Variants in PRKCB observed in about 807,000 individuals in gnomAD.
PRKCB encodes the protein protein kinase C beta.
Under a neutral mutation model 81.5 loss-of-function variants are expected in PRKCB, and 13 were observed. The ratio of observed to expected loss-of-function variants is 0.16; its 90% CI spans 0.10 to 0.25. The LOEUF is 0.25. Ranked by LOEUF, PRKCB falls within the 10% of genes least tolerant of loss-of-function variation. The pLI is 1.00. For missense variants in PRKCB, 509 were observed against 875.7 expected (o/e 0.58, Z 5.29); for synonymous variants, 335 against 321.4 (o/e 1.04, Z -0.45).
intron 9 of PRKCB, among the ~76,000 whole-genome samples, chr16:24,124,359 G>A (rs1359774735): frequency 6.6e-6 from 1 of 152,174 alleles, no homozygotes; most frequent in Admixed American, 6.5e-5. Flanking sequence ...CTAGCAGAAG[G>A]AGGTATAGGA....
intron 2 of PRKCB, among the ~76,000 whole-genome samples, chr16:23,868,915 G>C (rs982741444): frequency 6.6e-6 from 1 of 152,178 alleles, no homozygotes; most frequent in Admixed American, 6.5e-5. Context: ...TTCCCTGAAT[G>C]AATCTCAGAA....
At chr16:23,908,973 A>G (rs1272903798) in intron 2 of PRKCB, among the ~76,000 whole-genome samples, 1 of 152,194 alleles carries the variant, frequency 6.6e-6, no homozygotes, top group African/African-American at 2.4e-5. Flanking sequence ...GCACGTCCTT[A>G]GCATGCTCCC....
At chr16:24,127,488 T>A (rs554717771) in intron 9 of PRKCB, among the ~76,000 whole-genome samples, 1 of 143,064 alleles carries the variant, frequency 7.0e-6, no homozygotes, top group South Asian at 2.1e-4. Context: ...CCCCCTGAGC[T>A]AATTTAACAT....
intron 2 of PRKCB, among the ~76,000 whole-genome samples, chr16:23,955,663 G>C (rs1359269309): frequency 6.6e-6 from 1 of 152,174 alleles, no homozygotes; most frequent in Non-Finnish European, 1.5e-5. Context: ...AGGATGTGCT[G>C]CTTGATGACC....
intron 8 of PRKCB, among the ~76,000 whole-genome samples, chr16:24,119,311 T>C (rs1451725520): frequency 6.6e-6 from 1 of 151,894 alleles, no homozygotes; most frequent in African/African-American, 2.4e-5. Flanking sequence ...AGCTGCTCCT[T>C]GAAGGACAAG....
intron 2 of PRKCB, among the ~76,000 whole-genome samples, chr16:23,841,374 T>G (rs1962261035): frequency 6.6e-6 from 1 of 152,134 alleles, no homozygotes; most frequent in Non-Finnish European, 1.5e-5. Flanking sequence ...GCTACAGTGC[T>G]GGCTGTTTCT....
rs1965388201 is a variant in PRKCB, at chr16:24,021,234, C to T, written c.289-10902C>T. ...TCTTTCTTTCTTTCTTTCTTTCTTT[C>T]CTTCCTTCCTTCCTTCTTCCTTTCT... is the stretch of plus-strand genomic sequence containing the variant. On this transcript the variant is annotated intron_variant, in intron 3 of 16. Transcript: ENST00000643927. Among the ~76,000 whole-genome samples, 24 of 17,994 alleles carry T rather than the reference C, an allele frequency of 1.3e-3. 5 individuals are homozygous for T. Among genetic ancestry groups the T allele is most frequent in the South Asian group, 5.1e-3 (1 of 198 alleles). The allele number at this position is 17,994 out of a possible 152,430, so 11.8% of individuals were successfully genotyped here. A position where few individuals can be genotyped will look rare whatever the true frequency, so the allele number is the denominator to read the frequency against.
chr16:23,981,348 C>A (rs1369871785), intron 2 of PRKCB, among the ~76,000 whole-genome samples: 2 of 152,168 alleles, frequency 1.3e-5, no homozygotes, highest in East Asian at 1.9e-4. Flanking sequence ...CCTATAAGGA[C>A]CCCTGTGATC....
chr16:23,982,934 C>G (rs1026214363), intron 2 of PRKCB, among the ~76,000 whole-genome samples: 1 of 152,098 alleles, frequency 6.6e-6, no homozygotes, highest in African/African-American at 2.4e-5. Flanking sequence ...TTTTGTAGTT[C>G]TAGTAAAGCC....
intron 5 of PRKCB, among the ~76,000 whole-genome samples, chr16:24,072,883 ACTCT>A (rs947428942): frequency 6.6e-6 from 1 of 151,564 alleles, no homozygotes; most frequent in Non-Finnish European, 1.5e-5. Flanking sequence ...ACCTGGCCTA[ACTCT>A]CTCTCTCTTT....
chr16:24,166,929 C>A (rs1272337604), intron 10 of PRKCB, among the ~76,000 whole-genome samples: 3 of 152,020 alleles, frequency 2.0e-5, no homozygotes, highest in South Asian at 2.1e-4. Flanking sequence ...TACAGTGGAG[C>A]GATCCCCTGA....
In PRKCB at chr16:23,860,807, T is replaced by G. The variant is rs1962651910; in HGVS notation, c.205+23401T>G. 2.0e-5 allele frequency among the ~76,000 whole-genome samples: 3 copies of G among 152,064 alleles called. No homozygotes were observed. In the South Asian group the frequency reaches 6.2e-4, roughly 32 times the overall value. ...CTGTACTCCCAGCTACTCGGGAGGCTGAGGCAGGAGAATTGCTTGGACCCG... is the reference window on the plus strand; with the variant it reads ...CTGTACTCCCAGCTACTCGGGAGGCGGAGGCAGGAGAATTGCTTGGACCCG... On this transcript the variant is annotated intron_variant, in intron 2 of 16. Transcript: ENST00000643927.
At chr16:23,869,229 T>G (rs1288409784) in intron 2 of PRKCB, 1 of 404,338 alleles carries the variant, frequency 2.5e-6, no homozygotes, top group Non-Finnish European at 5.1e-6. Flanking sequence ...GGTTTAGCCA[T>G]TGTTCTTCCC....
intron 9 of PRKCB, among the ~76,000 whole-genome samples, chr16:24,133,535 G>C (rs1567386983): frequency 1.3e-5 from 2 of 152,114 alleles, no homozygotes; most frequent in African/African-American, 4.8e-5. Flanking sequence ...CTCCTTAGCT[G>C]GTTCCTTTTC....
chr16:24,123,783 C>T (rs1281955845), intron 8 of PRKCB, 52 bp from the exon 9 acceptor site: 10 of 1,593,556 alleles, frequency 6.3e-6, no homozygotes, highest in African/African-American at 5.4e-5. Flanking sequence ...TGCCTTCCTA[C>T]AAGATCGTCC....
At position 23,949,823 on chromosome 16, in the gene PRKCB, A is replaced by G. The variant is rs571845751; in HGVS notation, c.206-38685A>G. On this transcript the variant is annotated intron_variant, in intron 2 of 16. Coordinates refer to ENST00000643927, the MANE Select transcript of PRKCB (RefSeq NM_002738.7). Reference sequence around the variant, plus strand: ...TTATCCCCATTTTACAGATGAAGACACTGAGGCAAGAGAGCTTAAATTAAT... The same window carrying G: ...TTATCCCCATTTTACAGATGAAGACGCTGAGGCAAGAGAGCTTAAATTAAT... Among the ~76,000 whole-genome samples, 3 of 152,316 alleles carry G rather than the reference A, an allele frequency of 2.0e-5. No individual in the cohort carries two copies. In the South Asian group the frequency reaches 6.2e-4, roughly 32 times the overall value.
intron 3 of PRKCB, among the ~76,000 whole-genome samples, chr16:23,991,664 G>T (rs1477147804): frequency 2.6e-5 from 4 of 152,202 alleles, no homozygotes; most frequent in African/African-American, 9.7e-5. Context: ...GTGAATCAAA[G>T]TTCTAAATAA....
intron 2 of PRKCB, among the ~76,000 whole-genome samples, chr16:23,887,691 G>T (rs532209542): frequency 4.6e-5 from 7 of 152,336 alleles, no homozygotes; most frequent in Admixed American, 4.6e-4. Flanking sequence ...GGAATGATGT[G>T]TTTTCCTTTG....
chr16:24,190,620 A>G (rs932770319), intron 15 of PRKCB, among the ~76,000 whole-genome samples: 1 of 151,550 alleles, frequency 6.6e-6, no homozygotes, highest in African/African-American at 2.4e-5. Context: ...CCCGGGTTCA[A>G]CAATTCTCCT....
Sources: allele counts gnomAD v4.1 joint callset (sites outside exome capture counted in the v4.1 genomes callset), GRCh38; gene constraint gnomAD v4.1.1; transcripts MANE v1.5; gene names NCBI Gene and HGNC (gene_info 2026-07-23, HGNC 2026-07-21).